Variants in CNTNAP5 observed in about 807,000 individuals in gnomAD.
The protein encoded by CNTNAP5 is contactin associated protein family member 5.
In CNTNAP5, 72 loss-of-function variants were observed where a neutral mutation model predicts 150.2. The ratio of observed to expected loss-of-function variants is 0.48; its 90% CI spans 0.40 to 0.58. CNTNAP5 has a LOEUF of 0.58. Ranked by LOEUF, CNTNAP5 falls within the 20% of genes least tolerant of loss-of-function variation. The probability of loss-of-function intolerance (pLI) is 0.00; values close to 1 mark genes in which losing one functional copy is unlikely to be tolerated. For synonymous variants in CNTNAP5, 672 were observed against 619.8 expected (o/e 1.08, Z -1.25); for missense variants, 1,636 against 1,626.2 (o/e 1.01, Z -0.10).
At chr2:124,037,237 T>C (rs1681248585) in intron 1 of CNTNAP5, among the ~76,000 whole-genome samples, 1 of 152,230 alleles carries the variant, frequency 6.6e-6, no homozygotes, top group African/African-American at 2.4e-5. Flanking sequence ...GTGGATTCCA[T>C]GATCACTGCC....
intron 3 of CNTNAP5, among the ~76,000 whole-genome samples, chr2:124,377,591 C>A (rs1248825777): frequency 6.6e-6 from 1 of 151,614 alleles, no homozygotes; most frequent in African/African-American, 2.4e-5. Context: ...AGGAGAATCT[C>A]TTGAACCCGG....
intron 13 of CNTNAP5, among the ~76,000 whole-genome samples, chr2:124,728,003 T>TGA (rs1680196412): frequency 6.6e-6 from 1 of 152,076 alleles, no homozygotes; most frequent in African/African-American, 2.4e-5. Context: ...GTGGAGAGTC[T>TGA]TTATCATGAA....
intron 21 of CNTNAP5, among the ~76,000 whole-genome samples, chr2:124,875,487 C>A (rs1573680135): frequency 6.6e-6 from 1 of 151,884 alleles, no homozygotes; most frequent in Non-Finnish European, 1.5e-5. Flanking sequence ...CATTGTGTGA[C>A]CTTGGTGAAT....
intron 1 of CNTNAP5, among the ~76,000 whole-genome samples, chr2:124,044,382 G>A (rs929847140): frequency 2.2e-4 from 34 of 152,210 alleles, no homozygotes; most frequent in African/African-American, 7.2e-4. Context: ...TGTCCTTTAC[G>A]CTGGAGAAAA....
chr2:124,748,908 T>C (rs1024381661), intron 14 of CNTNAP5, among the ~76,000 whole-genome samples: 9 of 152,194 alleles, frequency 5.9e-5, no homozygotes, highest in South Asian at 2.1e-4. Context: ...GGCTTCTGCA[T>C]TCTGTGAGCC....
At chr2:124,461,249 TC>T (rs1693242939) in intron 6 of CNTNAP5, among the ~76,000 whole-genome samples, 1 of 152,090 alleles carries the variant, frequency 6.6e-6, no homozygotes, top group Non-Finnish European at 1.5e-5. Flanking sequence ...GCGGCACTAT[TC>T]ACAATAGCAA....
At chr2:124,615,982 G>A (rs1033406296) in intron 12 of CNTNAP5, among the ~76,000 whole-genome samples, 3 of 152,120 alleles carry the variant, frequency 2.0e-5, no homozygotes, top group African/African-American at 7.2e-5. Flanking sequence ...GTTCTCAATG[G>A]TGGGCTTAAA....
chr2:124,093,399 C>T (rs1682859116), intron 1 of CNTNAP5, among the ~76,000 whole-genome samples: 1 of 152,204 alleles, frequency 6.6e-6, no homozygotes, highest in Admixed American at 6.5e-5. Context: ...ATTATGATTG[C>T]TGCCTGTAGA....
rs76748821 is a variant in CNTNAP5, at chr2:124,740,927, C to G, written c.2078-6302C>G. The stretch of plus-strand genomic sequence containing the variant: ...ATGCCTCTTGAGGTCTACACTGGAA[C>G]TGAACCATCATCATTTCTGCACACA... On this transcript the variant is annotated intron_variant, in intron 13 of 23. Transcript: ENST00000682447. Among the ~76,000 whole-genome samples, 455 of 152,222 alleles carry G rather than the reference C, an allele frequency of 3.0e-3. 3 individuals are homozygous for G. The highest frequency in any genetic ancestry group is 0.01 in the African/African-American group (429 of 41,542).
At chr2:124,561,617 T>C (rs755505743) in intron 10 of CNTNAP5, among the ~76,000 whole-genome samples, 2 of 152,210 alleles carry the variant, frequency 1.3e-5, no homozygotes, top group Non-Finnish European at 2.9e-5. Flanking sequence ...TCCTGTACTT[T>C]AGGCTATCGT....
chr2:124,623,066 A>C (rs1348851931), intron 12 of CNTNAP5, among the ~76,000 whole-genome samples: 1 of 152,162 alleles, frequency 6.6e-6, no homozygotes, highest in Non-Finnish European at 1.5e-5. Flanking sequence ...TGTGCTTTTT[A>C]TCAAAGGGTA....
intron 6 of CNTNAP5, among the ~76,000 whole-genome samples, chr2:124,467,602 G>GT (rs1219607653): frequency 1.3e-5 from 2 of 152,112 alleles, no homozygotes; most frequent in Non-Finnish European, 2.9e-5. Context: ...GAATTAAGAG[G>GT]TGTGTAGCCT....
intron 8 of CNTNAP5, among the ~76,000 whole-genome samples, chr2:124,516,884 A>G (rs1346144230): frequency 6.6e-6 from 1 of 152,208 alleles, no homozygotes; most frequent in Non-Finnish European, 1.5e-5. Flanking sequence ...AAGAGGTACA[A>G]TTGAGAGCCA....
intron 13 of CNTNAP5, among the ~76,000 whole-genome samples, chr2:124,682,150 A>C (rs1679082791): frequency 6.6e-6 from 1 of 152,132 alleles, no homozygotes; most frequent in African/African-American, 2.4e-5. Context: ...GCATGTACAC[A>C]TCCATGCACA....
At chr2:124,757,571 C>A (rs1680867232) in intron 14 of CNTNAP5, among the ~76,000 whole-genome samples, 3 of 152,188 alleles carry the variant, frequency 2.0e-5, no homozygotes, top group Admixed American at 1.3e-4. Flanking sequence ...AAATCCTGGC[C>A]TTTCCATTTG....
At chr2:124,652,582 A>T (rs1172712627) in intron 13 of CNTNAP5, among the ~76,000 whole-genome samples, 1 of 152,244 alleles carries the variant, frequency 6.6e-6, no homozygotes, top group Admixed American at 6.5e-5. Flanking sequence ...CTTGAATCAC[A>T]TGGCCAATTA....
At chr2:124,868,071 C>A (rs1407104300) in intron 20 of CNTNAP5, among the ~76,000 whole-genome samples, 1 of 152,132 alleles carries the variant, frequency 6.6e-6, no homozygotes, top group East Asian at 1.9e-4. Flanking sequence ...TTTCCCCAAG[C>A]CACCCTTGCC....
At chr2:124,703,296 A>C (rs569421240) in intron 13 of CNTNAP5, among the ~76,000 whole-genome samples, 1 of 149,728 alleles carries the variant, frequency 6.7e-6, no homozygotes, top group South Asian at 2.1e-4. Flanking sequence ...ATTTTGAAAG[A>C]ATCATTGGTT....
chr2:124,259,143 T>C (rs571848822), intron 3 of CNTNAP5, among the ~76,000 whole-genome samples: 2 of 152,118 alleles, frequency 1.3e-5, no homozygotes, highest in East Asian at 3.9e-4. Context: ...GTGCTGAGAA[T>C]GATAGTTTCC....
Sources: gnomAD v4.1 joint callset for allele counts (sites outside exome capture counted in the v4.1 genomes callset) on GRCh38, gnomAD v4.1.1 for gene constraint, MANE v1.5 for transcripts, NCBI Gene and HGNC (gene_info 2026-07-23, HGNC 2026-07-21) for gene names.